Variants in IGF1R observed in about 807,000 individuals in gnomAD.
The protein encoded by IGF1R is insulin like growth factor 1 receptor, also known as insulin-like growth factor 1 receptor.
In IGF1R, 44 loss-of-function variants were observed where a neutral mutation model predicts 144.6. That is an observed-to-expected ratio of 0.30 (90% confidence interval 0.24 to 0.39). The LOEUF (loss-of-function observed/expected upper bound fraction) is 0.39. Among genes scored for constraint, IGF1R ranks in the 10% least tolerant of loss-of-function variants. The pLI, the probability that IGF1R is intolerant of heterozygous loss-of-function variation, is 1.00. For missense variants in IGF1R, 1,355 were observed against 1,833.7 expected (o/e 0.74, Z 4.77); for synonymous variants, 795 against 722.8 (o/e 1.10, Z -1.60).
At chr15:98,736,610 C>CTTTTTTTT (rs1321651793) in intron 2 of IGF1R, among the ~76,000 whole-genome samples, 16 of 138,938 alleles carry the variant, frequency 1.2e-4, no homozygotes, top group East Asian at 2.1e-4. Flanking sequence ...TTTCTTTTTT[C>CTTTTTTTT]TTTTTTCTTT....
At chr15:98,949,440 G>A (rs976737716) in intron 20 of IGF1R, among the ~76,000 whole-genome samples, 19 of 149,670 alleles carry the variant, frequency 1.3e-4, no homozygotes, top group East Asian at 2.0e-4. Context: ...GTGCATTGGC[G>A]TGATCTTGGC....
chr15:98,718,120 G>T (rs1296049212), intron 2 of IGF1R, among the ~76,000 whole-genome samples: 1 of 152,196 alleles, frequency 6.6e-6, no homozygotes, highest in Non-Finnish European at 1.5e-5. Flanking sequence ...CGTTCAAGGG[G>T]ATCAGGTGGG....
chr15:98,921,639 G>C (rs979629494), intron 10 of IGF1R, among the ~76,000 whole-genome samples: 3 of 152,114 alleles, frequency 2.0e-5, no homozygotes, highest in Non-Finnish European at 4.4e-5. Context: ...TAGACTCCAG[G>C]CATCTTTATT....
chr15:98,671,479 A>G (rs1308593492), intron 1 of IGF1R, among the ~76,000 whole-genome samples: 6 of 152,192 alleles, frequency 3.9e-5, no homozygotes, highest in African/African-American at 7.2e-5. Flanking sequence ...TTGTAATTAT[A>G]GGGGCAAGAT....
At chr15:98,673,978 C>A (rs2052966156) in intron 1 of IGF1R, among the ~76,000 whole-genome samples, 1 of 152,182 alleles carries the variant, frequency 6.6e-6, no homozygotes, top group Admixed American at 6.5e-5. Flanking sequence ...TCTAGAGAAG[C>A]TGTCTTAAGG....
At chr15:98,814,819 C>G (rs999536565) in intron 2 of IGF1R, among the ~76,000 whole-genome samples, 1 of 152,172 alleles carries the variant, frequency 6.6e-6, no homozygotes, top group Non-Finnish European at 1.5e-5. Context: ...ATAAGCGTGG[C>G]TCTACCTGGG....
chr15:98,681,826 T>C (rs2053197206), intron 1 of IGF1R, among the ~76,000 whole-genome samples: 1 of 152,230 alleles, frequency 6.6e-6, no homozygotes, highest in Non-Finnish European at 1.5e-5. Context: ...GGTCTGTCCC[T>C]GGTGTCATCT....
chr15:98,961,724 G>A lies in IGF1R; in HGVS notation c.*4282G>A, dbSNP rs772843588. On this transcript the variant is annotated 3_prime_UTR_variant, in exon 21 of 21. Transcript: ENST00000650285. ...GCAGCAGGAGCTGGTGTGTACTGGA[G>A]ACACTGTTGAACTTGATCAAGACCC... 8.6e-6 allele frequency: 2 copies of A among 233,546 alleles called. No homozygotes were observed. The highest frequency in any genetic ancestry group is 4.4e-5 in the African/African-American group (2 of 45,356). The allele number at this position is 233,546 out of a possible 1,614,324, so 14.5% of individuals were successfully genotyped here.
intron 1 of IGF1R, among the ~76,000 whole-genome samples, chr15:98,674,667 A>G (rs1476022341): frequency 6.6e-6 from 1 of 152,204 alleles, no homozygotes; most frequent in Non-Finnish European, 1.5e-5. Context: ...TTCAAATTAT[A>G]ATAGTAATAG....
At chr15:98,674,194 T>C (rs1338376350) in intron 1 of IGF1R, among the ~76,000 whole-genome samples, 2 of 152,242 alleles carry the variant, frequency 1.3e-5, no homozygotes, top group East Asian at 1.9e-4. Flanking sequence ...GGATTTGTTA[T>C]CACATCACGG....
At chr15:98,738,367 G>A (rs567368572) in intron 2 of IGF1R, among the ~76,000 whole-genome samples, 13 of 152,222 alleles carry the variant, frequency 8.5e-5, no homozygotes, top group East Asian at 3.9e-4. Flanking sequence ...CTAAATGAGC[G>A]GGCTTTAAAG....
chr15:98,692,612 G>T (rs1271699704), intron 1 of IGF1R, among the ~76,000 whole-genome samples: 1 of 152,196 alleles, frequency 6.6e-6, no homozygotes, highest in Non-Finnish European at 1.5e-5. Flanking sequence ...GGACTTTCCA[G>T]TAACATTTGG....
chr15:98,791,076 G>C (rs1038279203), intron 2 of IGF1R, among the ~76,000 whole-genome samples: 4 of 152,216 alleles, frequency 2.6e-5, no homozygotes, highest in Non-Finnish European at 5.9e-5. Flanking sequence ...GCATAGCTTA[G>C]TTCATGCTCA....
intron 2 of IGF1R, among the ~76,000 whole-genome samples, chr15:98,736,211 T>C (rs938004938): frequency 1.8e-4 from 28 of 152,384 alleles, no homozygotes; most frequent in Non-Finnish European, 3.5e-4. Flanking sequence ...TCGCTGCTGC[T>C]GGTGAAGTTA....
chr15:98,858,152 A>C (rs2011937575), intron 2 of IGF1R, among the ~76,000 whole-genome samples: 2 of 152,264 alleles, frequency 1.3e-5, no homozygotes, highest in Admixed American at 1.3e-4. Context: ...ATTCATGGCT[A>C]TTCAAAAGCT....
chr15:98,706,742 T>G (rs13379812), intron 1 of IGF1R, among the ~76,000 whole-genome samples: 13,384 of 152,192 alleles, frequency 0.088, 1,723 homozygotes, highest in African/African-American at 0.28. Context: ...TTCACTTACC[T>G]TCATTTATAG....
chr15:98,855,464 T>C (rs2011758474), intron 2 of IGF1R, among the ~76,000 whole-genome samples: 1 of 152,232 alleles, frequency 6.6e-6, no homozygotes, highest in Non-Finnish European at 1.5e-5. Context: ...CATCCATAGA[T>C]GGAGATGTTA....
At chr15:98,845,128 T>C (rs1206436981) in intron 2 of IGF1R, among the ~76,000 whole-genome samples, 2 of 152,206 alleles carry the variant, frequency 1.3e-5, no homozygotes, top group Non-Finnish European at 2.9e-5. Flanking sequence ...TTGTATTCAG[T>C]AGACGGTCAG....
In IGF1R at chr15:98,704,090, C is replaced by T. The variant is rs1450339099; in HGVS notation, c.95-3472C>T. ...GAAAAAAGACCCTCCCGGCCCCCTT[C>T]AGCTGTGATGTGTCTTTTCCACACA... On this transcript the variant is annotated intron_variant, in intron 1 of 20. Transcript: ENST00000650285. The surrounding 1 kb of genome is among the most constrained non-coding windows in gnomAD (Gnocchi z 4.9). Among the ~76,000 whole-genome samples, 3 of 152,172 alleles carry T rather than the reference C, an allele frequency of 2.0e-5. No homozygotes were observed. Among genetic ancestry groups the T allele is most frequent in the Admixed American group, 1.3e-4 (2 of 15,282 alleles).
Sources: gnomAD v4.1 joint callset for allele counts (sites outside exome capture counted in the v4.1 genomes callset) on GRCh38, gnomAD v4.1.1 for gene constraint, Gnocchi (gnomAD v3.1) non-coding constraint, MANE v1.5 for transcripts, NCBI Gene and HGNC (gene_info 2026-07-23, HGNC 2026-07-21) for gene names.